The following PPP2R5E variants were observed in gnomAD, a reference collection of about 807,000 sequenced individuals.
PPP2R5E encodes serine/threonine-protein phosphatase 2A 56 kDa regulatory subunit epsilon isoform.
PPP2R5E carries 4 observed loss-of-function variants against 65.3 expected under a neutral mutation model. The ratio of observed to expected loss-of-function variants is 0.06; its 90% CI spans 0.03 to 0.14. The LOEUF is 0.14. PPP2R5E is among the 10% of genes least tolerant of loss of function. The probability of loss-of-function intolerance (pLI) is 1.00; values close to 1 mark genes in which losing one functional copy is unlikely to be tolerated. For missense variants in PPP2R5E, 274 were observed against 556.1 expected (o/e 0.49, Z 5.10); for synonymous variants, 183 against 187.4 (o/e 0.98, Z 0.19).
rs74895760 is a variant in PPP2R5E, at chr14:63,458,235, C to T, written c.158-4350G>A. 2.4e-3 allele frequency among the ~76,000 whole-genome samples: 370 copies of T among 152,294 alleles called. 2 individuals are homozygous for T. The highest frequency in any genetic ancestry group is 8.5e-3 in the African/African-American group (352 of 41,570). Reference sequence around the variant, plus strand: ...ATACAGTTTAGCTCTTGCTGGGGGGCACTCCCCTCACCCTAATCATGATTT... The same window carrying T: ...ATACAGTTTAGCTCTTGCTGGGGGGTACTCCCCTCACCCTAATCATGATTT... On this transcript the variant is annotated intron_variant, in intron 2 of 13. Transcript: ENST00000337537.
chr14:63,390,094 CAAT>C (rs1265749450), intron 10 of PPP2R5E, among the ~76,000 whole-genome samples: 3 of 151,080 alleles, frequency 2.0e-5, no homozygotes, highest in African/African-American at 7.3e-5. Context: ...TTAAAAAAAA[CAAT>C]GAGAAGGTGG....
chr14:63,417,867 T>C (rs182887813), intron 4 of PPP2R5E, among the ~76,000 whole-genome samples: 1 of 152,282 alleles, frequency 6.6e-6, no homozygotes, highest in East Asian at 1.9e-4. Context: ...ACAAATCATA[T>C]ATACAGCACT....
At chr14:63,518,394 AC>A (rs34802951) in intron 2 of PPP2R5E, among the ~76,000 whole-genome samples, 3,021 of 151,674 alleles carry the variant, frequency 0.02, 96 homozygotes, top group African/African-American at 0.069. Context: ...GGTATACATC[AC>A]CATGCCAGGC....
chr14:63,418,234 T>C (rs1016784139), intron 4 of PPP2R5E, among the ~76,000 whole-genome samples: 4 of 152,158 alleles, frequency 2.6e-5, no homozygotes, highest in African/African-American at 9.7e-5. Context: ...CTTATTCAAA[T>C]GACCCCATCA....
At chr14:63,484,073 A>G (rs567266902) in intron 2 of PPP2R5E, among the ~76,000 whole-genome samples, 5 of 133,572 alleles carry the variant, frequency 3.7e-5, no homozygotes, top group Admixed American at 3.5e-4. Flanking sequence ...ACAGAGTGAG[A>G]CTCCACCAAA....
chr14:63,437,899 C>A (rs1888023689), intron 3 of PPP2R5E, among the ~76,000 whole-genome samples: 1 of 152,128 alleles, frequency 6.6e-6, no homozygotes. Flanking sequence ...CCACTCCTGA[C>A]CCTCCTCACC....
intron 4 of PPP2R5E, among the ~76,000 whole-genome samples, chr14:63,418,991 C>T (rs770559490): frequency 1.6e-4 from 25 of 151,860 alleles, no homozygotes; most frequent in Non-Finnish European, 2.6e-4. Flanking sequence ...GGATTACAGG[C>T]GTGTGCTGCC....
intron 2 of PPP2R5E, among the ~76,000 whole-genome samples, chr14:63,493,562 C>T (rs1891394606): frequency 1.3e-5 from 2 of 151,974 alleles, no homozygotes; most frequent in South Asian, 4.2e-4. Context: ...TGGTAGAGAG[C>T]AAAAACACCA....
intron 2 of PPP2R5E, among the ~76,000 whole-genome samples, chr14:63,458,449 T>A (rs1405144070): frequency 6.6e-6 from 1 of 152,192 alleles, no homozygotes. Flanking sequence ...AAATAAAATA[T>A]GTGCCCAGTC....
At chr14:63,455,689 A>G (rs1889081981) in intron 2 of PPP2R5E, among the ~76,000 whole-genome samples, 1 of 152,256 alleles carries the variant, frequency 6.6e-6, no homozygotes, top group African/African-American at 2.4e-5. Flanking sequence ...GCTGCTTATG[A>G]GCATGACTAT....
At position 63,392,044 on chromosome 14, in the gene PPP2R5E, A is replaced by G; in HGVS notation, c.850-19T>C. 3.8e-6 allele frequency: 6 copies of G among 1,577,586 alleles called. No homozygotes were observed. The highest frequency in any genetic ancestry group is 5.1e-6 in the Non-Finnish European group (6 of 1,165,420). On this transcript the variant is annotated intron_variant, in intron 8 of 13. Transcript: ENST00000337537. ...ATGCCAGCTGAGTAAAAAATAAAAT[A>G]AAAGGCAAAATTTTAAATTCTATAC...
Position 63,486,950 on chromosome 14 carries a change from G to A in PPP2R5E, c.158-33065C>T, listed in dbSNP as rs572874008. On this transcript the variant is annotated intron_variant, in intron 2 of 13. Coordinates refer to ENST00000337537, the MANE Select transcript of PPP2R5E (RefSeq NM_006246.5). The stretch of plus-strand genomic sequence containing the variant: ...ACAGCACTTAATTTGACTGCATGAT[G>A]CAATCATATCTGCCCTCTTGAATTA... Among the ~76,000 whole-genome samples, 3 of 152,256 alleles carry A rather than the reference G, an allele frequency of 2.0e-5. No homozygotes were observed. In the South Asian group the frequency reaches 6.2e-4, roughly 32 times the overall value.
intron 2 of PPP2R5E, among the ~76,000 whole-genome samples, chr14:63,463,352 G>A (rs1288130311): frequency 1.3e-5 from 2 of 151,374 alleles, no homozygotes; most frequent in Non-Finnish European, 2.9e-5. Flanking sequence ...ATGTTGGCCA[G>A]GATGGTATCG....
intron 2 of PPP2R5E, among the ~76,000 whole-genome samples, chr14:63,463,657 C>T (rs1566721481): frequency 6.6e-6 from 1 of 150,794 alleles, no homozygotes; most frequent in Non-Finnish European, 1.5e-5. Flanking sequence ...AGTGCAGTGG[C>T]ACGATCTCGG....
intron 2 of PPP2R5E, among the ~76,000 whole-genome samples, chr14:63,465,580 T>C (rs10132996): frequency 0.3 from 45,589 of 152,056 alleles, 8,528 homozygotes; most frequent in African/African-American, 0.53. Context: ...GAGCCGTGAT[T>C]GCACCACTGC....
intron 2 of PPP2R5E, among the ~76,000 whole-genome samples, chr14:63,527,044 C>G (rs1893213098): frequency 6.6e-6 from 1 of 152,214 alleles, no homozygotes; most frequent in South Asian, 2.1e-4. Context: ...TGGCACATGC[C>G]TGTAATCCCA....
At chr14:63,399,024 C>T (rs1885576988) in intron 5 of PPP2R5E, among the ~76,000 whole-genome samples, 1 of 152,154 alleles carries the variant, frequency 6.6e-6, no homozygotes, top group African/African-American at 2.4e-5. Flanking sequence ...ATGTATATAT[C>T]CAGCAGAACC....
chr14:63,499,851 C>T (rs1891770608), intron 2 of PPP2R5E, among the ~76,000 whole-genome samples: 1 of 152,218 alleles, frequency 6.6e-6, no homozygotes, highest in Non-Finnish European at 1.5e-5. Flanking sequence ...ACTTAAGTGG[C>T]TTGCTCCGGG....
At chr14:63,465,655 ATT>A (rs1264341115) in intron 2 of PPP2R5E, among the ~76,000 whole-genome samples, 2 of 152,126 alleles carry the variant, frequency 1.3e-5, no homozygotes, top group African/African-American at 4.8e-5. Flanking sequence ...AGAAACATTA[ATT>A]TTTTGTTAAA....
Sources: gnomAD v4.1 joint callset for allele counts (sites outside exome capture counted in the v4.1 genomes callset) on GRCh38, gnomAD v4.1.1 for gene constraint, MANE v1.5 for transcripts, NCBI Gene and HGNC (gene_info 2026-07-23, HGNC 2026-07-21) for gene names.